Variants in ANO10 observed in about 807,000 individuals in gnomAD.
The protein encoded by ANO10 is anoctamin 10.
ANO10 carries 77 observed loss-of-function variants against 74.7 expected under a neutral mutation model. The ratio of observed to expected loss-of-function variants is 1.03; its 90% CI spans 0.86 to 1.25. The LOEUF (loss-of-function observed/expected upper bound fraction) is 1.25. Among genes scored for constraint, ANO10 ranks in the 50% most tolerant of loss-of-function variants. The pLI, the probability that ANO10 is intolerant of heterozygous loss-of-function variation, is 0.00. For missense variants in ANO10, 721 were observed against 778.1 expected (o/e 0.93, Z 0.87); for synonymous variants, 279 against 284.9 (o/e 0.98, Z 0.21).
intron 12 of ANO10, among the ~76,000 whole-genome samples, chr3:43,425,359 G>A (rs966723781): frequency 2.0e-5 from 3 of 151,692 alleles, no homozygotes; most frequent in African/African-American, 7.3e-5. Flanking sequence ...AGCACAAATG[G>A]AGCGGGGGGA....
chr3:43,368,859 C>T (rs979434512), intron 12 of ANO10, among the ~76,000 whole-genome samples: 13 of 152,128 alleles, frequency 8.5e-5, no homozygotes, highest in African/African-American at 3.1e-4. Flanking sequence ...TTTAACTAAA[C>T]TAAAACAATA....
intron 11 of ANO10, among the ~76,000 whole-genome samples, chr3:43,507,391 C>T (rs944336085): frequency 6.6e-6 from 1 of 152,046 alleles, no homozygotes; most frequent in African/African-American, 2.4e-5. Flanking sequence ...ATGTGGGAAG[C>T]TGGGGCACAA....
chr3:43,640,895 G>A (rs941528903), intron 1 of ANO10, among the ~76,000 whole-genome samples: 3 of 152,116 alleles, frequency 2.0e-5, no homozygotes, highest in African/African-American at 4.8e-5. Context: ...AATTTAATGT[G>A]TTTCAAGGGG....
At chr3:43,398,268 T>C (rs1453146449) in intron 12 of ANO10, among the ~76,000 whole-genome samples, 1 of 152,250 alleles carries the variant, frequency 6.6e-6, no homozygotes, top group Non-Finnish European at 1.5e-5. Context: ...ACTGTTTTCA[T>C]GTCCATTTTA....
intron 4 of ANO10, among the ~76,000 whole-genome samples, chr3:43,581,113 T>C (rs1399293855): frequency 6.6e-6 from 1 of 152,214 alleles, no homozygotes; most frequent in African/African-American, 2.4e-5. Context: ...TCCAAGGGCA[T>C]AGTATTTTAA....
At chr3:43,437,974 G>A (rs1399762025) in intron 11 of ANO10, among the ~76,000 whole-genome samples, 6 of 151,956 alleles carry the variant, frequency 3.9e-5, no homozygotes, top group African/African-American at 9.7e-5. Flanking sequence ...GCCTGACAGA[G>A]AATTCAAATA....
intron 1 of ANO10, among the ~76,000 whole-genome samples, chr3:43,660,707 C>A (rs2083915825): frequency 6.6e-6 from 1 of 152,194 alleles, no homozygotes; most frequent in Non-Finnish European, 1.5e-5. Context: ...GTAATCCCAG[C>A]ACTTTGGGAG....
chr3:43,463,738 G>C (rs2075490691), intron 11 of ANO10, among the ~76,000 whole-genome samples: 1 of 152,214 alleles, frequency 6.6e-6, no homozygotes, highest in Non-Finnish European at 1.5e-5. Context: ...GTGGACTTCT[G>C]AGTTAATGCT....
chr3:43,566,954 A>C (rs1372060517), intron 7 of ANO10, among the ~76,000 whole-genome samples: 2 of 152,194 alleles, frequency 1.3e-5, no homozygotes, highest in African/African-American at 4.8e-5. Flanking sequence ...AGAAGAATCT[A>C]TAACTAGAAT....
At chr3:43,386,648 C>CGTGTGT (rs36065814) in intron 12 of ANO10, among the ~76,000 whole-genome samples, 11,368 of 139,852 alleles carry the variant, frequency 0.081, 559 homozygotes, top group Admixed American at 0.14. Context: ...TAGGTGTGTA[C>CGTGTGT]GTGTGTGTGT....
At chr3:43,470,596 T>TTTTATTTA (rs61427290) in intron 11 of ANO10, among the ~76,000 whole-genome samples, 31,221 of 143,714 alleles carry the variant, frequency 0.22, 3,653 homozygotes, top group South Asian at 0.28. Context: ...CTGGTAATTA[T>TTTTATTTA]TTTATTTATT....
chr3:43,645,885 G>A (rs927489151), intron 1 of ANO10, among the ~76,000 whole-genome samples: 1 of 152,116 alleles, frequency 6.6e-6, no homozygotes, highest in African/African-American at 2.4e-5. Flanking sequence ...TGGGCTCACT[G>A]CAGCCTCCAC....
chr3:43,618,215 G>A (rs1051560613), intron 1 of ANO10: 1 of 152,308 alleles, frequency 6.6e-6, no homozygotes, highest in Admixed American at 6.5e-5. Context: ...CACTCCCTGA[G>A]GGAACTCCAT....
chr3:43,595,965 A>G (rs958288772), intron 4 of ANO10, among the ~76,000 whole-genome samples: 7 of 152,244 alleles, frequency 4.6e-5, no homozygotes, highest in South Asian at 2.1e-4. Flanking sequence ...CTATACAGCA[A>G]TAACAGAGAA....
rs187596535 is a variant in ANO10 at position 43,540,032 on chromosome 3, T to C, written c.1797+9688A>G. ...ACATTAACCATCAATTCCAAGGGCA[T>C]TGGGTTTTTCAACAAAACAAGTATT... On this transcript the variant is annotated intron_variant, in intron 11 of 12. Coordinates refer to ENST00000292246, the MANE Select transcript of ANO10 (RefSeq NM_018075.5). 3.0e-4 allele frequency among the ~76,000 whole-genome samples: 45 copies of C among 152,318 alleles called. 2 individuals carry two copies. Among genetic ancestry groups the C allele is most frequent in the Admixed American group, 2.7e-3 (41 of 15,308 alleles).
chr3:43,654,615 A>C (rs2083826406), intron 1 of ANO10, among the ~76,000 whole-genome samples: 2 of 148,952 alleles, frequency 1.3e-5, no homozygotes, highest in Non-Finnish European at 3.0e-5. Context: ...TAACACAACC[A>C]AACCCAGTTT....
At chr3:43,555,618 C>T (rs1013402256) in intron 9 of ANO10, 149 bp from the exon 10 acceptor site, 12 of 695,940 alleles carry the variant, frequency 1.7e-5, no homozygotes, top group Non-Finnish European at 2.9e-5. Flanking sequence ...ACTTCTGACA[C>T]CCTCAGGCTT....
At chr3:43,553,626 C>A (rs2079594380) in intron 10 of ANO10, among the ~76,000 whole-genome samples, 1 of 151,684 alleles carries the variant, frequency 6.6e-6, no homozygotes, top group African/African-American at 2.4e-5. Context: ...ACTTCTGCCT[C>A]CCAGGTTCAA....
At chr3:43,466,023 C>G (rs1482700259) in intron 11 of ANO10, among the ~76,000 whole-genome samples, 1 of 151,930 alleles carries the variant, frequency 6.6e-6, no homozygotes, top group Non-Finnish European at 1.5e-5. Context: ...GGCAAAACAA[C>G]TTGAAAAAAG....
Sources: allele counts gnomAD v4.1 joint callset (sites outside exome capture counted in the v4.1 genomes callset), GRCh38; gene constraint gnomAD v4.1.1; transcripts MANE v1.5; gene names NCBI Gene and HGNC (gene_info 2026-07-23, HGNC 2026-07-21).